The following SLCO6A1 variants were observed in gnomAD, a reference collection of about 807,000 sequenced individuals.
SLCO6A1 encodes the protein cancer/testis antigen 48.
A neutral mutation model predicts 72.7 loss-of-function variants in SLCO6A1; 65 were observed. That is an observed-to-expected ratio of 0.89 (90% CI 0.73 to 1.10). The LOEUF (loss-of-function observed/expected upper bound fraction) is 1.10, where lower values mean the gene tolerates loss of function less well. SLCO6A1 is among the 50% of genes least tolerant of loss of function. The probability of loss-of-function intolerance (pLI) is 0.00; values close to 1 mark genes in which losing one functional copy is unlikely to be tolerated. For missense variants in SLCO6A1, 874 were observed against 872.6 expected (o/e 1.00, Z -0.02); for synonymous variants, 314 against 298.2 (o/e 1.05, Z -0.55).
intron 6 of SLCO6A1, among the ~76,000 whole-genome samples, chr5:102,444,651 AG>A (rs1365033726): frequency 2.6e-5 from 4 of 152,182 alleles, no homozygotes; most frequent in African/African-American, 9.6e-5. Context: ...TTTTATTTTC[AG>A]AAAAAACAGT....
rs111459105 is a variant in SLCO6A1, at chr5:102,385,834, T to A, written c.2017+2854A>T. Among the ~76,000 whole-genome samples the A allele has an allele frequency of 5.8e-3, 860 of 148,728 alleles. 6 individuals carry two copies. Among genetic ancestry groups the A allele is most frequent in the African/African-American group, 0.02 (813 of 41,108 alleles). On this transcript the variant is annotated intron_variant, in intron 12 of 13. Coordinates refer to ENST00000506729, the MANE Select transcript of SLCO6A1 (RefSeq NM_173488.5). Reference sequence around the variant, plus strand: ...TTTTTCTCCTGTTTTTCCTTTTTTTTTTTTTTTTTTTAATTGAGATGGCCT... The same window carrying A: ...TTTTTCTCCTGTTTTTCCTTTTTTTATTTTTTTTTTTAATTGAGATGGCCT...
chr5:102,440,622 G>C (rs1399405269), intron 6 of SLCO6A1, among the ~76,000 whole-genome samples: 1 of 152,086 alleles, frequency 6.6e-6, no homozygotes, highest in Non-Finnish European at 1.5e-5. Context: ...CCACAAAACT[G>C]GTCCCTGGTG....
intron 12 of SLCO6A1, among the ~76,000 whole-genome samples, chr5:102,386,245 GC>G (rs775907893): frequency 6.6e-6 from 1 of 152,150 alleles, no homozygotes; most frequent in Non-Finnish European, 1.5e-5. Context: ...CTAGCCTGGT[GC>G]CAAGGTCCAC....
At chr5:102,484,748 T>C (rs1324757650) in intron 1 of SLCO6A1, among the ~76,000 whole-genome samples, 2 of 152,240 alleles carry the variant, frequency 1.3e-5, no homozygotes, top group Admixed American at 1.3e-4. Context: ...CAAGCATTTT[T>C]ATGTTATACA....
In SLCO6A1 at chr5:102,373,541, C is replaced by T. The variant is rs775702422; in HGVS notation, c.2018-47G>A. ...ATCAGATATGTCCATGTATTTAGAA[C>T]AAAAATGTAGGCAAAAATGCTATTT... On this transcript the variant is annotated intron_variant, in intron 12 of 13. Coordinates refer to ENST00000506729, the MANE Select transcript of SLCO6A1 (RefSeq NM_173488.5). 5 of 1,302,428 alleles carry T rather than the reference C, an allele frequency of 3.8e-6. No individual in the cohort carries two copies. In the African/African-American group the frequency reaches 7.6e-5, roughly 20 times the overall value. 80.7% of individuals were successfully genotyped at this position (1,302,428 alleles called of 1,614,324 possible).
chr5:102,415,380 A>G (rs1303182713), intron 8 of SLCO6A1, among the ~76,000 whole-genome samples: 1 of 152,170 alleles, frequency 6.6e-6, no homozygotes, highest in East Asian at 1.9e-4. Flanking sequence ...ATGAAATAGA[A>G]CAGAAAACCC....
chr5:102,482,675 C>T (rs191449908), intron 1 of SLCO6A1, among the ~76,000 whole-genome samples: 1 of 152,282 alleles, frequency 6.6e-6, no homozygotes, highest in Admixed American at 6.5e-5. Context: ...GAACCTTCTG[C>T]TATACTTCTT....
At chr5:102,428,172 A>C (rs1233143137) in intron 7 of SLCO6A1, among the ~76,000 whole-genome samples, 1 of 151,906 alleles carries the variant, frequency 6.6e-6, no homozygotes, top group East Asian at 1.9e-4. Flanking sequence ...TCTGGCCAGA[A>C]ACTCTCAATA....
chr5:102,404,695 T>A (rs903443966), intron 9 of SLCO6A1, among the ~76,000 whole-genome samples: 6 of 152,296 alleles, frequency 3.9e-5, no homozygotes, highest in African/African-American at 1.4e-4. Context: ...AAACTTGGTA[T>A]TACTATAATG....
intron 12 of SLCO6A1, among the ~76,000 whole-genome samples, chr5:102,374,729 A>C (rs185472520): frequency 1.3e-5 from 2 of 152,310 alleles, no homozygotes; most frequent in Admixed American, 1.3e-4. Context: ...AACATTAAAC[A>C]ATTGTAACAT....
At chr5:102,391,359 T>G in intron 10 of SLCO6A1, 1 of 272,028 alleles carries the variant, frequency 3.7e-6, no homozygotes, top group Non-Finnish European at 7.0e-6. Flanking sequence ...CTTACCGGTT[T>G]TCATTCTATC....
chr5:102,442,711 T>C (rs1259972801), intron 6 of SLCO6A1, among the ~76,000 whole-genome samples: 2 of 152,166 alleles, frequency 1.3e-5, no homozygotes, highest in Non-Finnish European at 2.9e-5. Flanking sequence ...AGGTTAAACA[T>C]AAAAGTAAGA....
chr5:102,457,305 G>A (rs1750777227), intron 6 of SLCO6A1, among the ~76,000 whole-genome samples: 1 of 151,572 alleles, frequency 6.6e-6, no homozygotes, highest in Non-Finnish European at 1.5e-5. Flanking sequence ...TACCACTGGA[G>A]TGAACAGGCA....
intron 1 of SLCO6A1, among the ~76,000 whole-genome samples, chr5:102,491,803 C>T (rs1040644931): frequency 7.9e-5 from 12 of 152,356 alleles, no homozygotes; most frequent in East Asian, 7.7e-4. Flanking sequence ...CACGGAGCTG[C>T]GGCAGGCTGG....
At chr5:102,400,708 G>T (rs1561430718) in intron 9 of SLCO6A1, among the ~76,000 whole-genome samples, 1 of 152,038 alleles carries the variant, frequency 6.6e-6, no homozygotes, top group Admixed American at 6.6e-5. Flanking sequence ...AAAAATAAGA[G>T]AAATTAAACA....
chr5:102,392,750 A>G (rs1746835941), intron 10 of SLCO6A1, among the ~76,000 whole-genome samples: 2 of 152,090 alleles, frequency 1.3e-5, no homozygotes, highest in East Asian at 1.9e-4. Context: ...TAAGAATTTC[A>G]TGAAATAAAC....
chr5:102,496,755 T>C (rs1221993186), intron 1 of SLCO6A1, among the ~76,000 whole-genome samples: 1 of 152,224 alleles, frequency 6.6e-6, no homozygotes, highest in African/African-American at 2.4e-5. Flanking sequence ...TAAGGAGACA[T>C]GATGGATAAT....
At chr5:102,421,069 G>A (rs922302334) in intron 7 of SLCO6A1, among the ~76,000 whole-genome samples, 10 of 152,096 alleles carry the variant, frequency 6.6e-5, no homozygotes, top group Non-Finnish European at 1.3e-4. Context: ...GTGCCATGAG[G>A]GACGGTGCTA....
intron 9 of SLCO6A1, among the ~76,000 whole-genome samples, chr5:102,403,362 T>C (rs1362636678): frequency 6.6e-6 from 1 of 152,108 alleles, no homozygotes; most frequent in Non-Finnish European, 1.5e-5. Context: ...TACTTTTCAT[T>C]ATAAAAATAA....
Sources: gnomAD v4.1 joint callset for allele counts (sites outside exome capture counted in the v4.1 genomes callset) on GRCh38, gnomAD v4.1.1 for gene constraint, MANE v1.5 for transcripts, NCBI Gene and HGNC (gene_info 2026-07-23, HGNC 2026-07-21) for gene names.